Variants in PRR16 observed in about 807,000 individuals in gnomAD.
PRR16 encodes the protein proline rich 16, also known as protein Largen.
PRR16 carries 6 observed loss-of-function variants against 18.2 expected under a neutral mutation model. That is an observed-to-expected ratio of 0.33 (90% CI 0.18 to 0.65). The LOEUF (loss-of-function observed/expected upper bound fraction) is 0.65, where lower values mean the gene tolerates loss of function less well. Ranked by LOEUF, PRR16 falls within the 30% of genes least tolerant of loss-of-function variation. PRR16 has a pLI of 0.74. For synonymous variants in PRR16, 151 were observed against 147.8 expected, an observed-to-expected ratio of 1.02 and a Z score of -0.16; for missense variants, 412 against 376.6, an observed-to-expected ratio of 1.09 and a Z score of -0.78.
At chr5:120,593,014 A>G (rs1482875207) in intron 1 of PRR16, among the ~76,000 whole-genome samples, 2 of 152,150 alleles carry the variant, frequency 1.3e-5, no homozygotes, top group African/African-American at 4.8e-5. Context: ...CAGCTAAGGC[A>G]GTGTTAAGAG....
At chr5:120,612,265 T>C (rs1561573719) in intron 1 of PRR16, among the ~76,000 whole-genome samples, 1 of 152,192 alleles carries the variant, frequency 6.6e-6, no homozygotes, top group African/African-American at 2.4e-5. Context: ...CTTGGAACTG[T>C]GGACTTTTGG....
chr5:120,554,553 A>G (rs1752352570), intron 1 of PRR16, among the ~76,000 whole-genome samples: 3 of 152,082 alleles, frequency 2.0e-5, no homozygotes, highest in Non-Finnish European at 2.9e-5. Flanking sequence ...CTTGGATTCA[A>G]TCTGAGAGGC....
the PRR16 span, among the ~76,000 whole-genome samples, chr5:120,711,022 C>G: frequency 6.6e-6 from 1 of 152,014 alleles, no homozygotes; most frequent in African/African-American, 2.4e-5. Context: ...TCAAAGCCAG[C>G]AAAAGACTGG....
intron 1 of PRR16, among the ~76,000 whole-genome samples, chr5:120,577,136 T>C (rs1753106644): frequency 6.6e-6 from 1 of 152,096 alleles, no homozygotes; most frequent in Non-Finnish European, 1.5e-5. Flanking sequence ...GAGTTTATAC[T>C]AATATGATTC....
the PRR16 span, among the ~76,000 whole-genome samples, chr5:120,707,587 T>A: frequency 1.3e-5 from 2 of 152,202 alleles, no homozygotes; most frequent in African/African-American, 4.8e-5. Context: ...CTGACTGTTA[T>A]GTTCCGTATT....
chr5:120,498,501 A>C (rs1272023564), intron 1 of PRR16, among the ~76,000 whole-genome samples: 1 of 151,620 alleles, frequency 6.6e-6, no homozygotes, highest in East Asian at 1.9e-4. Flanking sequence ...ATTTCTCTAC[A>C]TATATGTAGA....
chr5:120,657,669 C>T (rs1756029587), intron 1 of PRR16, among the ~76,000 whole-genome samples: 1 of 152,024 alleles, frequency 6.6e-6, no homozygotes, highest in East Asian at 1.9e-4. Flanking sequence ...ACTTATTCAT[C>T]AGAGGAAGGG....
At chr5:120,545,252 T>C (rs1752039820) in intron 1 of PRR16, among the ~76,000 whole-genome samples, 1 of 152,164 alleles carries the variant, frequency 6.6e-6, no homozygotes, top group South Asian at 2.1e-4. Flanking sequence ...AGTGTTTTTC[T>C]GGCAAATAAA....
At chr5:120,507,035 T>C (rs954640598) in intron 1 of PRR16, among the ~76,000 whole-genome samples, 1 of 152,092 alleles carries the variant, frequency 6.6e-6, no homozygotes, top group Non-Finnish European at 1.5e-5. Flanking sequence ...ATTTCAACTT[T>C]CTACCAGTGG....
At chr5:120,467,696 T>C (rs532257134) in intron 1 of PRR16, among the ~76,000 whole-genome samples, 2 of 152,278 alleles carry the variant, frequency 1.3e-5, no homozygotes, top group South Asian at 2.1e-4. Context: ...TATTTAGTTA[T>C]AATTACTTAA....
At chr5:120,542,341 A>G (rs1751941653) in intron 1 of PRR16, among the ~76,000 whole-genome samples, 1 of 152,040 alleles carries the variant, frequency 6.6e-6, no homozygotes. Flanking sequence ...TATTCCTTCT[A>G]TTTTGGAATG....
intron 1 of PRR16, among the ~76,000 whole-genome samples, chr5:120,606,190 TG>T (rs1215246857): frequency 6.6e-6 from 1 of 152,196 alleles, no homozygotes; most frequent in Non-Finnish European, 1.5e-5. Context: ...TGCCATTTTC[TG>T]GTTTCCAGAA....
At chr5:120,712,856 C>G in the PRR16 span, among the ~76,000 whole-genome samples, 21 of 152,052 alleles carry the variant, frequency 1.4e-4, no homozygotes, top group African/African-American at 5.1e-4. Flanking sequence ...AAAAGGGAAC[C>G]TTTGCACACT....
At chr5:120,671,321 C>G (rs375215640) in intron 1 of PRR16, among the ~76,000 whole-genome samples, 1 of 152,002 alleles carries the variant, frequency 6.6e-6, no homozygotes, top group South Asian at 2.1e-4. Context: ...AAGTACAGAA[C>G]TAATGCTAGA....
At chr5:120,774,077 CCTGTTGCT>C in the PRR16 span, among the ~76,000 whole-genome samples, 1 of 138,590 alleles carries the variant, frequency 7.2e-6, no homozygotes, top group Non-Finnish European at 1.6e-5. Context: ...GAGTTGATTT[CCTGTTGCT>C]ATGAAAATAT....
intron 1 of PRR16, among the ~76,000 whole-genome samples, chr5:120,590,890 G>GA (rs1753612127): frequency 6.6e-6 from 1 of 152,114 alleles, no homozygotes; most frequent in African/African-American, 2.4e-5. Flanking sequence ...TTCTGGTATA[G>GA]AGTAGTGCAC....
chr5:120,699,576 A>G, the PRR16 span, among the ~76,000 whole-genome samples: 1 of 152,222 alleles, frequency 6.6e-6, no homozygotes, highest in African/African-American at 2.4e-5. Flanking sequence ...GGTATGAGGA[A>G]GAAAATAGAT....
intron 1 of PRR16, among the ~76,000 whole-genome samples, chr5:120,685,649 A>G (rs1166378289): frequency 6.6e-6 from 1 of 152,180 alleles, no homozygotes; most frequent in Non-Finnish European, 1.5e-5. Context: ...TTTAAAAATC[A>G]GTTATATTCC....
intron 1 of PRR16, among the ~76,000 whole-genome samples, chr5:120,650,408 A>G (rs1277160720): frequency 6.6e-6 from 1 of 150,994 alleles, no homozygotes; most frequent in Non-Finnish European, 1.5e-5. Context: ...TACATGTGCC[A>G]TGTTGGTGTG....
Sources: allele counts gnomAD v4.1 joint callset (sites outside exome capture counted in the v4.1 genomes callset), GRCh38; gene constraint gnomAD v4.1.1; transcripts MANE v1.5; gene names NCBI Gene and HGNC (gene_info 2026-07-23, HGNC 2026-07-21).